RNF40: variants seen among roughly 807,000 people sequenced by gnomAD.
The protein encoded by RNF40 is E3 ubiquitin-protein ligase BRE1B.
RNF40 carries 39 observed loss-of-function variants against 123.3 expected under a neutral mutation model. The observed-to-expected ratio is 0.32, with a 90% CI of 0.24 to 0.41. The LOEUF (loss-of-function observed/expected upper bound fraction) is 0.41. Among genes scored for constraint, RNF40 ranks in the 10% least tolerant of loss-of-function variants. RNF40 has a pLI of 1.00. For synonymous variants in RNF40, 538 were observed against 526.0 expected, an observed-to-expected ratio of 1.02 and a Z score of -0.31; for missense variants, 1,003 against 1,319.9, an observed-to-expected ratio of 0.76 and a Z score of 3.72.
Position 30,769,356 on chromosome 16 carries a change from G to A in RNF40, c.2418G>A (p.Glu806=). Residue 806 remains glutamate (E), a synonymous_variant, in exon 16 of 20, where the codon GAG becomes GAA. Transcript: ENST00000324685. ...AGATTCACAAGCTGCTGCGGGAGGA[G>A]AAGGATGAGTTGGGCGAGCAGGTCC... is the stretch of plus-strand genomic sequence containing the variant. ...ANQIHKLLRE[E]KDELGEQVLG... 1 of 1,614,246 alleles carries A rather than the reference G, an allele frequency of 6.2e-7. No homozygotes were observed. Among genetic ancestry groups the A allele is most frequent in the Non-Finnish European group, 8.5e-7 (1 of 1,180,038 alleles).
chr16:30,774,208 T>C lies in RNF40; in HGVS notation c.*94T>C, dbSNP rs1256784017. On this transcript the variant is annotated 3_prime_UTR_variant, in exon 20 of 20. Coordinates refer to ENST00000324685, the MANE Select transcript of RNF40 (RefSeq NM_014771.4). The stretch of plus-strand genomic sequence containing the variant: ...CAGGTCTAGTGGCCCCACCCTCCAT[T>C]CCGGACCCCATGGGCCCAGCCCCTG... The C allele has an allele frequency of 1.5e-6, 2 of 1,348,042 alleles. No homozygotes were observed. The highest frequency in any genetic ancestry group is 1.5e-5 in the African/African-American group (1 of 68,350). The allele number at this position is 1,348,042 out of a possible 1,614,324, so 83.5% of individuals were successfully genotyped here.
chr16:30,765,914 T>C (rs1309117242), intron 8 of RNF40, among the ~76,000 whole-genome samples: 1 of 152,208 alleles, frequency 6.6e-6, no homozygotes, highest in Admixed American at 6.5e-5. Flanking sequence ...TTATTAGCAC[T>C]TTAGGCCTTT....
intron 17 of RNF40, among the ~76,000 whole-genome samples, chr16:30,770,932 A>G (rs1044298105): frequency 2.0e-5 from 3 of 152,096 alleles, no homozygotes; most frequent in Non-Finnish European, 4.4e-5. Flanking sequence ...GGCTGGTCTC[A>G]AACTCCTGAC....
In RNF40 at chr16:30,768,186, A is replaced by G. The variant is rs201945156; in HGVS notation, c.1635A>G (p.Pro545=). The change falls in exon 13 of 20, where the codon CCA becomes CCG. Residue 545 remains proline, a synonymous_variant. Transcript: ENST00000324685. This position sits in a 1 kb window ranked among gnomAD's most constrained non-coding sequence, Gnocchi z 4.1. ...PEDSGVSAPA[P]GKEEGGPGPV... ...ATTCTGGCGTCAGTGCCCCAGCCCC[A>G]GGGAAAGAGGAGGGTGGGCCAGGCC... The G allele has an allele frequency of 6.2e-7, 1 of 1,612,916 alleles. No individual in the cohort carries two copies. The highest frequency in any genetic ancestry group is 2.2e-5 in the East Asian group (1 of 44,864).
intron 17 of RNF40, among the ~76,000 whole-genome samples, chr16:30,771,572 G>A (rs2054148182): frequency 6.6e-6 from 1 of 152,128 alleles, no homozygotes; most frequent in Non-Finnish European, 1.5e-5. Flanking sequence ...AGCTGAGATC[G>A]TGTCACTGGA....
Position 30,768,752 on chromosome 16 carries a change from G to A in RNF40, c.2097+16G>A. Reference sequence around the variant, plus strand: ...TAAGGCCGAGGTGAGGGCAGCTGGGGCTTGTGGGGCATTCAGAAAGGCAGA... The same window carrying A: ...TAAGGCCGAGGTGAGGGCAGCTGGGACTTGTGGGGCATTCAGAAAGGCAGA... On this transcript the variant is annotated intron_variant, in intron 14 of 19. Coordinates refer to ENST00000324685, the MANE Select transcript of RNF40 (RefSeq NM_014771.4). The surrounding 1 kb of genome is among the most constrained non-coding windows in gnomAD (Gnocchi z 4.1). The A allele has an allele frequency of 6.2e-7, 1 of 1,613,828 alleles. No individual in the cohort carries two copies. Among genetic ancestry groups the A allele is most frequent in the South Asian group, 1.1e-5 (1 of 91,086 alleles).
At chr16:30,769,039 C>T (rs757399048) in intron 15 of RNF40, 52 bp downstream of exon 15, 3 of 1,610,718 alleles carry the variant, frequency 1.9e-6, no homozygotes, top group Non-Finnish European at 2.5e-6. Context: ...TCCCTTCATA[C>T]CCTGTTTGGT....
chr16:30,768,353 C>A lies in RNF40; in HGVS notation c.1802C>A (p.Ser601Tyr), dbSNP rs770390251. The A allele has an allele frequency of 6.2e-7, 1 of 1,613,186 alleles. No homozygotes were observed. The highest frequency in any genetic ancestry group is 1.7e-5 in the Admixed American group (1 of 59,842). ...GITPGAQGPS[S>Y]RGREPEARPK... ...ACCCCTGGGGCCCAGGGCCCTTCCTCCCGGGGCCGAGAACCTGAGGCCAGG... is the reference window on the plus strand; with the variant it reads ...ACCCCTGGGGCCCAGGGCCCTTCCTACCGGGGCCGAGAACCTGAGGCCAGG... The change falls in exon 13 of 20, where the codon TCC becomes TAC. Residue 601 changes from serine (S) to tyrosine (Y), a missense_variant. Physicochemically the swap from Ser to Tyr is moderately radical, Grantham distance 144 (BLOSUM62 -2). Around this residue, in one of 11 missense-constraint regions of RNF40, gnomAD observed 295 missense variants for 331.7 expected, o/e 0.89. Coordinates refer to ENST00000324685, the MANE Select transcript of RNF40 (RefSeq NM_014771.4). This position sits in a 1 kb window ranked among gnomAD's most constrained non-coding sequence, Gnocchi z 4.1.
In RNF40 at chr16:30,774,796, C is replaced by A. The variant is rs2054205109; in HGVS notation, c.*682C>A. The A allele has an allele frequency of 5.5e-6, 2 of 365,192 alleles. No homozygotes were observed. Among genetic ancestry groups the A allele is most frequent in the African/African-American group, 2.1e-5 (1 of 46,992 alleles). The allele number at this position is 365,192 out of a possible 1,614,324, so 22.6% of individuals were successfully genotyped here. A position where few individuals can be genotyped will look rare whatever the true frequency, so the allele number is the denominator to read the frequency against. The stretch of plus-strand genomic sequence containing the variant: ...ATCATCAGTTTCTATTCTAATCAGG[C>A]CCCTTCCCAATCTCCATTTCTCTGC... On this transcript the variant is annotated 3_prime_UTR_variant, in exon 20 of 20. Transcript: ENST00000324685.
chr16:30,767,917 C>T lies in RNF40; in HGVS notation c.1453C>T (p.His485Tyr), dbSNP rs1325428618. 6.2e-7 allele frequency: 1 copy of T among 1,614,146 alleles called. No homozygotes were observed. The highest frequency in any genetic ancestry group is 8.5e-7 in the Non-Finnish European group (1 of 1,180,034). The change falls in exon 12 of 20, where the codon CAC becomes TAC. Residue 485 changes from histidine (H) to tyrosine (Y), a missense_variant. By Grantham distance (83) the His-to-Tyr change is moderately conservative (BLOSUM62 2). Around this residue, in one of 11 missense-constraint regions of RNF40, gnomAD observed 30 missense variants for 68.9 expected, o/e 0.44. Transcript: ENST00000324685. ...QAGPINREMR[H>Y]LISSLQNHNH... ...AGGGCCCATCAACCGTGAGATGCGC[C>T]ACCTGATTAGTAGTCTTCAAAACCA...
Position 30,774,338 on chromosome 16 carries a change from C to G in RNF40, c.*224C>G. Reference sequence around the variant, plus strand: ...GGTCAGAGCTGCAGCCTAGGGGGCACTGCCCTACAGAAAAGGTCTGCCTGA... The same window carrying G: ...GGTCAGAGCTGCAGCCTAGGGGGCAGTGCCCTACAGAAAAGGTCTGCCTGA... On this transcript the variant is annotated 3_prime_UTR_variant, in exon 20 of 20. Coordinates refer to ENST00000324685, the MANE Select transcript of RNF40 (RefSeq NM_014771.4). 1 of 527,782 alleles carries G rather than the reference C, an allele frequency of 1.9e-6. No homozygotes were observed. The highest frequency in any genetic ancestry group is 3.3e-5 in the Admixed American group (1 of 30,008). 32.7% of individuals were successfully genotyped at this position (527,782 alleles called of 1,614,324 possible).
rs1316884588 is a variant in RNF40, at chr16:30,774,964, G to C, written c.*850G>C. 2 of 456,514 alleles carry C rather than the reference G, an allele frequency of 4.4e-6. No individual in the cohort carries two copies. Among genetic ancestry groups the C allele is most frequent in the South Asian group, 1.5e-5 (1 of 64,564 alleles). The allele number at this position is 456,514 out of a possible 1,614,324, so 28.3% of individuals were successfully genotyped here. Reference sequence around the variant, plus strand: ...GGGACAGACCAGCCCCAGCCGCTGGGCCAACTTCCAATCATTCCAGCTAGA... The same window carrying C: ...GGGACAGACCAGCCCCAGCCGCTGGCCCAACTTCCAATCATTCCAGCTAGA... On this transcript the variant is annotated 3_prime_UTR_variant, in exon 20 of 20. Coordinates refer to ENST00000324685, the MANE Select transcript of RNF40 (RefSeq NM_014771.4).
In RNF40 at chr16:30,768,667, C is replaced by T; in HGVS notation, c.2028C>T (p.Tyr676=). Residue 676 remains tyrosine, a synonymous_variant, in exon 14 of 20, where the codon TAC becomes TAT. Coordinates refer to ENST00000324685, the MANE Select transcript of RNF40 (RefSeq NM_014771.4). The surrounding 1 kb of genome is among the most constrained non-coding windows in gnomAD (Gnocchi z 4.1). The part of the protein sequence containing the change: ...QKEMKLLLDM[Y]KSAPKEQRDK... The stretch of plus-strand genomic sequence containing the variant: ...AGATGAAACTGCTGCTGGATATGTA[C>T]AAGTCAGCGCCCAAGGAGCAGCGGG... 6.2e-7 allele frequency: 1 copy of T among 1,614,190 alleles called. No individual in the cohort carries two copies. The highest frequency in any genetic ancestry group is 8.5e-7 in the Non-Finnish European group (1 of 1,180,046).
chr16:30,766,001 C>A lies in RNF40; in HGVS notation c.994-162C>A, dbSNP rs977255605. ...CCGACCATGCAGTATTGAATTTTCT[C>A]CCATTTTTCTGGGAGCCCTTAGGAA... On this transcript the variant is annotated intron_variant, in intron 8 of 19. Transcript: ENST00000324685. This position sits in a 1 kb window ranked among gnomAD's most constrained non-coding sequence, Gnocchi z 5.4. Among the ~76,000 whole-genome samples, 1 of 152,172 alleles carries A rather than the reference C, an allele frequency of 6.6e-6. No individual in the cohort carries two copies. Among genetic ancestry groups the A allele is most frequent in the African/African-American group, 2.4e-5 (1 of 41,414 alleles).
chr16:30,767,949 C>A lies in RNF40; in HGVS notation c.1485C>A (p.His495Gln). Residue 495 changes from histidine (H) to glutamine (Q), a missense_variant, in exon 12 of 20, where the codon CAC becomes CAA. His to Gln is a conservative substitution (Grantham distance 24). This residue lies in a region of RNF40 where 30 missense variants were observed against 68.9 expected (regional missense o/e 0.44). Coordinates refer to ENST00000324685, the MANE Select transcript of RNF40 (RefSeq NM_014771.4). Reference protein sequence around the residue: ...HLISSLQNHNHQLKGDAQRYK... With the variant: ...HLISSLQNHNQQLKGDAQRYK... ...TTAGTAGTCTTCAAAACCACAACCACCAGCTAAAAGGGGACGCCCAGCGAT... is the reference window on the plus strand; with the variant it reads ...TTAGTAGTCTTCAAAACCACAACCAACAGCTAAAAGGGGACGCCCAGCGAT... 1 of 1,614,184 alleles carries A rather than the reference C, an allele frequency of 6.2e-7. No homozygotes were observed. Among genetic ancestry groups the A allele is most frequent in the Non-Finnish European group, 8.5e-7 (1 of 1,180,030 alleles).
chr16:30,763,508 C>T lies in RNF40; in HGVS notation c.391C>T (p.Pro131Ser), dbSNP rs149784534. 1,192 of 1,614,114 alleles carry T rather than the reference C, an allele frequency of 7.4e-4. 1 individual carries two copies. The highest frequency in any genetic ancestry group is 9.3e-4 in the Non-Finnish European group (1,096 of 1,180,038). ...TGAGGCACCTGGGACCCAGGAGGGGCCAACATGTGATGGGACTCCTCTCCC... is the reference window on the plus strand; with the variant it reads ...TGAGGCACCTGGGACCCAGGAGGGGTCAACATGTGATGGGACTCCTCTCCC... ...APEAPGTQEG[P>S]TCDGTPLPEP... The change falls in exon 4 of 20, where the codon CCA becomes TCA. Residue 131 changes from proline (P) to serine (S), a missense_variant. Coordinates refer to ENST00000324685, the MANE Select transcript of RNF40 (RefSeq NM_014771.4).
At chr16:30,765,102 GGATTTGGGTTA>G in intron 6 of RNF40, 43 bp downstream of exon 6, 1 of 1,611,666 alleles carries the variant, frequency 6.2e-7, no homozygotes, top group Non-Finnish European at 8.5e-7. Flanking sequence ...GAATCAGGCA[GGATTTGGGTTA>G]GATGGGCACT....
Position 30,763,535 on chromosome 16 carries a change from G to C in RNF40, c.418G>C (p.Glu140Gln). The change falls in exon 4 of 20, where the codon GAG becomes CAG. Residue 140 changes from glutamate (E) to glutamine (Q), a missense_variant. Transcript: ENST00000324685. ...GPTCDGTPLP[E>Q]PGTSELRDPL... ...AACATGTGATGGGACTCCTCTCCCA[G>C]AGCCGGGGACATCAGAGCTGAGAGG... The C allele has an allele frequency of 6.2e-7, 1 of 1,614,146 alleles. No homozygotes were observed. The highest frequency in any genetic ancestry group is 8.5e-7 in the Non-Finnish European group (1 of 1,180,038).
rs894735196 is a variant in RNF40 at position 30,775,667 on chromosome 16, C to T, written c.*1553C>T. On this transcript the variant is annotated 3_prime_UTR_variant, in exon 20 of 20. Transcript: ENST00000324685. ...CGGTGCGGCGTGTACCGAGCGGCGC[C>T]CCTGGGCTCAGCGCGCTGCAGGCGC... is the stretch of plus-strand genomic sequence containing the variant. 1 of 152,646 alleles carries T rather than the reference C, an allele frequency of 6.6e-6. No individual in the cohort carries two copies. The highest frequency in any genetic ancestry group is 6.5e-5 in the Admixed American group (1 of 15,326). 9.5% of individuals were successfully genotyped at this position (152,646 alleles called of 1,614,324 possible).
Sources: gnomAD v4.1 joint callset for allele counts (sites outside exome capture counted in the v4.1 genomes callset) on GRCh38, gnomAD v4.1.1 for gene constraint, gnomAD v4.1.1 regional missense constraint, Gnocchi (gnomAD v3.1) non-coding constraint, MANE v1.5 for transcripts, NCBI Gene and HGNC (gene_info 2026-07-23, HGNC 2026-07-21) for gene names.